ANK3: variants seen among roughly 807,000 people sequenced by gnomAD.
ANK3 encodes the protein ankyrin-3.
In ANK3, 57 loss-of-function variants were observed where a neutral mutation model predicts 370.9. That is an observed-to-expected ratio of 0.15 (90% CI 0.12 to 0.19). The LOEUF is 0.19. Among genes scored for constraint, ANK3 ranks in the 10% least tolerant of loss-of-function variants. The probability of loss-of-function intolerance (pLI) is 1.00; values close to 1 mark genes in which losing one functional copy is unlikely to be tolerated. For synonymous variants in ANK3, 1,929 were observed against 1,946.3 expected (o/e 0.99, Z 0.23); for missense variants, 4,439 against 5,302.1 (o/e 0.84, Z 5.06).
chr10:60,053,551 G>T, intron 42 of ANK3: 1 of 655,210 alleles, frequency 1.5e-6, no homozygotes. Context: ...CTCAGGCTCA[G>T]GATTCCTTTT....
chr10:60,724,661 G>A (rs2079916060), intron 1 of ANK3, among the ~76,000 whole-genome samples: 1 of 152,078 alleles, frequency 6.6e-6, no homozygotes, highest in African/African-American at 2.4e-5. Flanking sequence ...AATTAACAAG[G>A]AACTTAATTT....
chr10:60,572,571 C>T (rs1412100847), intron 2 of ANK3: 5 of 1,529,788 alleles, frequency 3.3e-6, no homozygotes, highest in Non-Finnish European at 4.4e-6. Flanking sequence ...AGATCACCGC[C>T]GGTATTCCAA....
At position 60,074,156 on chromosome 10, in the gene ANK3, T is replaced by G. The variant is rs758831313; in HGVS notation, c.6725A>C (p.Glu2242Ala). ...GGTGGTTGTGGTTATGTGAGTCTCT[T>G]CTTTAACACGCATGCCTTTGCTTAA... ...RVLSKGMRVK[E>A]ETHITTTTRM... The change falls in exon 37 of 44, where the codon GAA becomes GCA. Residue 2242 changes from glutamate to alanine, a missense_variant. Transcript: ENST00000280772. 11 of 1,613,818 alleles carry G rather than the reference T, an allele frequency of 6.8e-6. No individual in the cohort carries two copies. In the East Asian group the frequency reaches 8.9e-5, roughly 13 times the overall value.
intron 1 of ANK3, among the ~76,000 whole-genome samples, chr10:60,387,825 A>G (rs2062619746): frequency 6.6e-6 from 1 of 152,186 alleles, no homozygotes; most frequent in African/African-American, 2.4e-5. Context: ...ACAGGGACCC[A>G]GGCACAAAGG....
Position 60,246,255 on chromosome 10 carries a change from C to CAAAAAAAA in ANK3, c.799-11477_799-11470dup, listed in dbSNP as rs869144298. Among the ~76,000 whole-genome samples the CAAAAAAAA allele has an allele frequency of 9.4e-4, 87 of 92,606 alleles. 4 individuals carry two copies. Among genetic ancestry groups the CAAAAAAAA allele is most frequent in the African/African-American group, 2.8e-3 (60 of 21,232 alleles). The allele number at this position is 92,606 out of a possible 152,430, so 60.8% of individuals were successfully genotyped here. On this transcript the variant is annotated intron_variant, in intron 7 of 43. Transcript: ENST00000280772. ...TGGGCAACAGAGAGAAACCCTGTAT[C>CAAAAAAAA]AAAAAAAAAAAAAAAAAAAAAAAAA...
chr10:60,594,618 CACG>C lies in ANK3; in HGVS notation c.96+20565_96+20567del, dbSNP rs139463097. 9.2e-5 allele frequency among the ~76,000 whole-genome samples: 14 copies of C among 152,200 alleles called. No individual in the cohort carries two copies. In the East Asian group the frequency reaches 2.7e-3, roughly 29 times the overall value. On this transcript the variant is annotated intron_variant, in intron 2 of 43. Coordinates refer to the ANK3 transcript ENST00000373827. ...ATATGCCTATTTTTACACACACACA[CACG>C]ACTATATGTGAAAAAAATATATATA...
At chr10:60,156,115 T>A (rs2095321036) in intron 23 of ANK3, among the ~76,000 whole-genome samples, 1 of 152,184 alleles carries the variant, frequency 6.6e-6, no homozygotes. Flanking sequence ...TAGACTTCAG[T>A]TGTGACACCA....
chr10:60,688,239 G>A (rs1328933894), intron 1 of ANK3, among the ~76,000 whole-genome samples: 1 of 151,930 alleles, frequency 6.6e-6, no homozygotes. Flanking sequence ...CTAATTTTTT[G>A]TATTTTAGTA....
At chr10:60,595,754 A>G (rs1334095645) in intron 2 of ANK3, among the ~76,000 whole-genome samples, 1 of 152,202 alleles carries the variant, frequency 6.6e-6, no homozygotes, top group African/African-American at 2.4e-5. Flanking sequence ...AATTCTTCCC[A>G]AAGTTAGTTT....
rs202156231 is a variant in ANK3 at position 60,105,930 on chromosome 10, G to A, written c.3303C>T (p.Thr1101=). The stretch of plus-strand genomic sequence containing the variant: ...CTTCATCCATGCCATTAAGTAACTC[G>A]GTTAAATCTTCATTTTTGCTGTCAA... ...HQFDSKNEDL[T]ELLNGMDEEL... The change falls in exon 28 of 44, where the codon ACC becomes ACT. Residue 1101 remains threonine, a synonymous_variant. Transcript: ENST00000280772. 353 of 1,610,870 alleles carry A rather than the reference G, an allele frequency of 2.2e-4. 2 individuals are homozygous for A. In the South Asian group the frequency reaches 2.3e-3, roughly 10 times the overall value.
Position 60,075,376 on chromosome 10 carries a change from T to C in ANK3, c.5505A>G (p.Ala1835=). 6.2e-7 allele frequency: 1 copy of C among 1,614,054 alleles called. No individual in the cohort carries two copies. Among genetic ancestry groups the C allele is most frequent in the East Asian group, 2.2e-5 (1 of 44,884 alleles). ...YSVVNVLPEP[A]LKKLPDSNSF... is the part of the protein sequence containing the mutation. The stretch of plus-strand genomic sequence containing the variant: ...AATTAGAGTCTGGAAGTTTCTTTAA[T>C]GCTGGTTCTGGCAAAACATTGACTA... Residue 1835 remains alanine, a synonymous_variant, in exon 37 of 44, where the codon GCA becomes GCG. Coordinates refer to ENST00000280772, the MANE Select transcript of ANK3 (RefSeq NM_020987.5).
chr10:60,410,078 T>C, intron 2 of ANK3, among the ~76,000 whole-genome samples: 1 of 152,084 alleles, frequency 6.6e-6, no homozygotes, highest in Non-Finnish European at 1.5e-5. Context: ...ATTTTGATAT[T>C]CTGATTGAGT....
At chr10:60,059,898 G>C in intron 40 of ANK3, 1 of 1,614,206 alleles carries the variant, frequency 6.2e-7, no homozygotes, top group Non-Finnish European at 8.5e-7. Context: ...TCTAAGGGGA[G>C]ATTCTATGCT....
intron 23 of ANK3, chr10:60,145,912 G>A (rs1264578327): frequency 1.4e-6 from 1 of 706,388 alleles, no homozygotes; most frequent in Non-Finnish European, 2.6e-6. Context: ...AAAGAGCAGT[G>A]ATTGCCTTTC....
chr10:60,729,305 A>G (rs142560528), intron 1 of ANK3, among the ~76,000 whole-genome samples: 181 of 152,328 alleles, frequency 1.2e-3, no homozygotes, highest in African/African-American at 4.2e-3. Context: ...GAAGCCCTAC[A>G]CTTGTAGAGC....
At chr10:60,473,517 G>A (rs553822087) in intron 2 of ANK3, among the ~76,000 whole-genome samples, 35 of 152,200 alleles carry the variant, frequency 2.3e-4, no homozygotes, top group African/African-American at 7.2e-4. Context: ...GCAATAATGC[G>A]CATCTCAAAT....
intron 1 of ANK3, among the ~76,000 whole-genome samples, chr10:60,343,283 A>G (rs1242904733): frequency 6.6e-6 from 1 of 152,230 alleles, no homozygotes; most frequent in African/African-American, 2.4e-5. Flanking sequence ...AGCATAACAA[A>G]TAAAATAAAA....
At chr10:60,716,500 T>C (rs186309969) in intron 1 of ANK3, among the ~76,000 whole-genome samples, 5 of 152,202 alleles carry the variant, frequency 3.3e-5, no homozygotes, top group South Asian at 2.1e-4. Context: ...TCTTACAATC[T>C]CACACTCAAT....
At chr10:60,603,399 T>A (rs2078090658) in intron 2 of ANK3, among the ~76,000 whole-genome samples, 1 of 152,106 alleles carries the variant, frequency 6.6e-6, no homozygotes, top group Admixed American at 6.6e-5. Context: ...AAATATTGAC[T>A]TTAAAAGGCA....
Sources: gnomAD v4.1 joint callset for allele counts (sites outside exome capture counted in the v4.1 genomes callset) on GRCh38, gnomAD v4.1.1 for gene constraint, MANE v1.5 for transcripts, NCBI Gene and HGNC (gene_info 2026-07-23, HGNC 2026-07-21) for gene names.